The following GPR55 variants were observed in gnomAD, a reference collection of about 807,000 sequenced individuals.
GPR55 encodes G-protein coupled receptor 55.
GPR55 carries 6 observed loss-of-function variants against 7.9 expected under a neutral mutation model. That is an observed-to-expected ratio of 0.76 (90% CI 0.41 to 1.49). The LOEUF is 1.49. GPR55 is among the 40% of genes most tolerant of loss of function. The probability of loss-of-function intolerance (pLI) is 0.01; values close to 1 mark genes in which losing one functional copy is unlikely to be tolerated. For missense variants in GPR55, 376 were observed against 406.0 expected, an observed-to-expected ratio of 0.93 and a Z score of 0.63; for synonymous variants, 183 against 166.8, an observed-to-expected ratio of 1.10 and a Z score of -0.75.
At chr2:230,948,660 A>G (rs1476947160) in intron 1 of GPR55, among the ~76,000 whole-genome samples, 2 of 152,246 alleles carry the variant, frequency 1.3e-5, no homozygotes, top group African/African-American at 4.8e-5. Flanking sequence ...CAGAGTCTTC[A>G]TCATTATCCT....
At chr2:230,933,107 C>G (rs1178703199) in intron 1 of GPR55, among the ~76,000 whole-genome samples, 2 of 71,340 alleles carry the variant, frequency 2.8e-5, no homozygotes, top group African/African-American at 1.4e-4. Flanking sequence ...CTGCTACCCT[C>G]CATCACTGCC....
intron 1 of GPR55, among the ~76,000 whole-genome samples, chr2:230,941,871 G>T (rs1017032520): frequency 1.3e-5 from 2 of 152,122 alleles, no homozygotes; most frequent in African/African-American, 4.8e-5. Context: ...ATCTTACATT[G>T]TAAGATCTAA....
At chr2:230,926,921 G>A (rs1055464787), upstream of GPR55, among the ~76,000 whole-genome samples, 7 of 151,784 alleles carry the variant, frequency 4.6e-5, no homozygotes, top group Admixed American at 2.0e-4. Context: ...TTGAACTCCC[G>A]ACCTCGTGAT....
intron 1 of GPR55, among the ~76,000 whole-genome samples, chr2:230,914,627 TA>T (rs1331581082): frequency 1.0e-5 from 1 of 96,082 alleles, no homozygotes; most frequent in African/African-American, 4.0e-5. Flanking sequence ...AGTTTGCTAA[TA>T]AAAACCAGTC....
chr2:230,949,752 T>G (rs570268832), intron 1 of GPR55, among the ~76,000 whole-genome samples: 1 of 152,252 alleles, frequency 6.6e-6, no homozygotes, highest in South Asian at 2.1e-4. Context: ...TGAATAGAGA[T>G]AGGAGAGGCC....
intron 1 of GPR55, among the ~76,000 whole-genome samples, chr2:230,943,001 T>TGAAGA (rs10652349): frequency 0.013 from 1,925 of 149,572 alleles, 30 homozygotes; most frequent in African/African-American, 0.038. Context: ...CCTTGTGACC[T>TGAAGA]GAAGAGAAGA....
At chr2:230,951,784 G>C (rs1691408622) in intron 1 of GPR55, among the ~76,000 whole-genome samples, 2 of 145,596 alleles carry the variant, frequency 1.4e-5, no homozygotes, top group Non-Finnish European at 3.0e-5. Context: ...TGTGAGACAG[G>C]GTCTTGCTCT....
At position 230,924,050 on chromosome 2, in the gene GPR55, C is replaced by T. The variant is rs1235366735; in HGVS notation, c.-135+1118G>A. On this transcript the variant is annotated intron_variant, in intron 1 of 1. Coordinates refer to ENST00000650999, the MANE Select transcript of GPR55 (RefSeq NM_005683.4). This position sits in a 1 kb window ranked among gnomAD's most constrained non-coding sequence, Gnocchi z 4.5. ...TCCCAGTGCAGTCCTGAGTGGGTGC[C>T]TTGAAAAGTCCTCTGTGTATCCCAG... Among the ~76,000 whole-genome samples, 1 of 152,130 alleles carries T rather than the reference C, an allele frequency of 6.6e-6. No individual in the cohort carries two copies. The highest frequency in any genetic ancestry group is 1.5e-5 in the Non-Finnish European group (1 of 68,014).
At chr2:230,959,311 A>G (rs780126887) in intron 1 of GPR55, among the ~76,000 whole-genome samples, 2 of 152,140 alleles carry the variant, frequency 1.3e-5, no homozygotes, top group African/African-American at 2.4e-5. Flanking sequence ...AGCTGGGTGT[A>G]GTGGTGCATG....
intron 1 of GPR55, among the ~76,000 whole-genome samples, chr2:230,914,304 G>C (rs1690660990): frequency 1.3e-5 from 2 of 152,194 alleles, no homozygotes; most frequent in South Asian, 4.1e-4. Flanking sequence ...TCCCCGGTAG[G>C]ATTATTCTAA....
In GPR55 at chr2:230,909,724, A is replaced by G. The variant is rs376644032; in HGVS notation, c.*279T>C. 2 of 368,198 alleles carry G rather than the reference A, an allele frequency of 5.4e-6. No individual in the cohort carries two copies. The highest frequency in any genetic ancestry group is 4.6e-5 in the East Asian group (1 of 21,844). The allele number at this position is 368,198 out of a possible 1,614,324, so 22.8% of individuals were successfully genotyped here. ...TGACATGGTCTCATTCTCTTTCTCAATTCTTCTGCTCTATAGTTTTTGGAC... is the reference window on the plus strand; with the variant it reads ...TGACATGGTCTCATTCTCTTTCTCAGTTCTTCTGCTCTATAGTTTTTGGAC... On this transcript the variant is annotated 3_prime_UTR_variant, in exon 2 of 2. Transcript: ENST00000650999.
chr2:230,920,295 A>G (rs1010403619), intron 1 of GPR55, among the ~76,000 whole-genome samples: 16 of 152,266 alleles, frequency 1.1e-4, no homozygotes, highest in African/African-American at 3.4e-4. Flanking sequence ...GGTTTACACA[A>G]AATTAAAAGT....
At chr2:230,929,158 G>A (rs568356616), upstream of GPR55, among the ~76,000 whole-genome samples, 32 of 152,184 alleles carry the variant, frequency 2.1e-4, no homozygotes, top group African/African-American at 7.5e-4. Context: ...CGGCCACCAA[G>A]CCCCACTTAA....
chr2:230,921,955 T>C (rs1187194774), intron 1 of GPR55, among the ~76,000 whole-genome samples: 1 of 152,162 alleles, frequency 6.6e-6, no homozygotes, highest in African/African-American at 2.4e-5. Flanking sequence ...AGAAAAGGAA[T>C]GGGTTCCAGG....
upstream of GPR55, among the ~76,000 whole-genome samples, chr2:230,927,339 T>A (rs918958173): frequency 2.6e-5 from 4 of 152,078 alleles, no homozygotes; most frequent in Non-Finnish European, 5.9e-5. Context: ...ATATCCAAGG[T>A]ATATGGGGGA....
chr2:230,934,746 T>TG (rs1383734220), intron 1 of GPR55, among the ~76,000 whole-genome samples: 4 of 151,984 alleles, frequency 2.6e-5, no homozygotes, highest in African/African-American at 9.7e-5. Flanking sequence ...ATGGGACTCC[T>TG]GGGGGGACTC....
chr2:230,915,478 G>A (rs1409022866), intron 1 of GPR55, among the ~76,000 whole-genome samples: 1 of 152,216 alleles, frequency 6.6e-6, no homozygotes, highest in African/African-American at 2.4e-5. Flanking sequence ...GTGGGCAAAG[G>A]TCATGGGTCA....
upstream of GPR55, among the ~76,000 whole-genome samples, chr2:230,930,127 C>A (rs147999810): frequency 6.6e-6 from 1 of 152,260 alleles, no homozygotes; most frequent in East Asian, 1.9e-4. Flanking sequence ...TGAGTACCCC[C>A]TCTGGCCTCC....
chr2:230,944,910 A>G lies in GPR55; in HGVS notation c.-135+15865T>C, dbSNP rs1559178779. On this transcript the variant is annotated intron_variant, in intron 1 of 1. Coordinates refer to the GPR55 transcript ENST00000392039. This position sits in a 1 kb window ranked among gnomAD's most constrained non-coding sequence, Gnocchi z 4.2. ...CCAGGCGCTGCGCTAGGCCCTGCAG[A>G]TGCGACAACGAACGTAGATGCTGTC... Among the ~76,000 whole-genome samples the G allele has an allele frequency of 6.6e-6, 1 of 152,184 alleles. No homozygotes were observed. The highest frequency in any genetic ancestry group is 2.4e-5 in the African/African-American group (1 of 41,446).
Sources: allele counts gnomAD v4.1 joint callset (sites outside exome capture counted in the v4.1 genomes callset), GRCh38; gene constraint gnomAD v4.1.1; non-coding constraint Gnocchi (gnomAD v3.1); transcripts MANE v1.5; gene names NCBI Gene and HGNC (gene_info 2026-07-23, HGNC 2026-07-21).